Variants in OFD1 observed in about 807,000 individuals in gnomAD.
OFD1 encodes the protein OFD1 centriole and centriolar satellite protein.
In OFD1, 12 loss-of-function variants were observed where a neutral mutation model predicts 81.4. The observed-to-expected ratio is 0.15, with a 90% CI of 0.09 to 0.24. OFD1 has a LOEUF of 0.24. Among genes scored for constraint, OFD1 ranks in the 10% least tolerant of loss-of-function variants. The probability of loss-of-function intolerance (pLI) is 1.00; values close to 1 mark genes in which losing one functional copy is unlikely to be tolerated. For synonymous variants in OFD1, 256 were observed against 263.7 expected (o/e 0.97, Z 0.28); for missense variants, 685 against 733.9 (o/e 0.93, Z 0.77).
At position 13,756,780 on chromosome X, in the gene OFD1, C is replaced by A; in HGVS notation, c.1411+13C>A. The A allele has an allele frequency of 1.7e-6, 2 of 1,169,113 alleles. No homozygotes were observed. Among genetic ancestry groups the A allele is most frequent in the South Asian group, 1.8e-5 (1 of 56,018 alleles). On this transcript the variant is annotated intron_variant, in intron 13 of 22. Coordinates refer to ENST00000340096, the MANE Select transcript of OFD1 (RefSeq NM_003611.3). ...CGTCTCCTAAACCGTATGTATTTTTCTTTTCTTCTGACTTGCGTGTTTTAG... is the reference window on the plus strand; with the variant it reads ...CGTCTCCTAAACCGTATGTATTTTTATTTTCTTCTGACTTGCGTGTTTTAG...
rs139692189 is a variant in OFD1, at chrX:13,763,802, T to G, written c.2546T>G (p.Met849Arg). The G allele has an allele frequency of 1.4e-5, 17 of 1,209,693 alleles. No individual in the cohort carries two copies. The African/African-American group carries it at 2.3e-4, about 16-fold the overall frequency. ...GGCGGGCTTTCTCCTGCCGGGGATA[T>G]GTCTCATGTGGACGCTGCTGCAGCT... is the stretch of plus-strand genomic sequence containing the variant. Reference protein sequence around the residue: ...EMGGLSPAGDMSHVDAAAAAV... With the variant: ...EMGGLSPAGDRSHVDAAAAAV... Residue 849 changes from methionine to arginine, a missense_variant, in exon 19 of 23, where the codon ATG becomes AGG. This residue lies in a region of OFD1 where 259 missense variants were observed against 254.4 expected (regional missense o/e 1.02). Transcript: ENST00000340096.
downstream of OFD1, among the ~76,000 whole-genome samples, chrX:13,770,496 A>G (rs2048276263): frequency 8.9e-6 from 1 of 112,431 alleles, no homozygotes; most frequent in Non-Finnish European, 1.9e-5. Context: ...CCTAAGTAAC[A>G]TATTTAGCTT....
chrX:13,753,039 T>C, intron 10 of OFD1: 1 of 900,834 alleles, frequency 1.1e-6, no homozygotes, highest in East Asian at 7.3e-5. Flanking sequence ...TTGTGTGCTG[T>C]GTAAATTTAA....
intron 5 of OFD1, among the ~76,000 whole-genome samples, chrX:13,741,560 A>G (rs777432149): frequency 8.1e-5 from 9 of 111,599 alleles, no homozygotes; most frequent in Admixed American, 4.8e-4. Context: ...TTTCAGAGAT[A>G]ATGATATCTG....
rs141380452 is a variant in OFD1 at position 13,749,173 on chromosome X, G to T, written c.829-254G>T. 0.014 allele frequency among the ~76,000 whole-genome samples: 1,512 copies of T among 107,301 alleles called. 30 individuals carry two copies. Among genetic ancestry groups the T allele is most frequent in the African/African-American group, 0.048 (1,409 of 29,356 alleles). The allele number at this position is 107,301 out of a possible 115,157, so 93.2% of individuals were successfully genotyped here. A position where few individuals can be genotyped will look rare whatever the true frequency, so the allele number is the denominator to read the frequency against. On this transcript the variant is annotated intron_variant, in intron 8 of 22. Transcript: ENST00000340096. ...AGATAAGGGACTGAGAGATGTTAAAGAACTAAATAGCATAAATTTCACATG... is the reference window on the plus strand; with the variant it reads ...AGATAAGGGACTGAGAGATGTTAAATAACTAAATAGCATAAATTTCACATG...
At chrX:13,753,035 G>C (rs777450200) in intron 10 of OFD1, 32 of 898,474 alleles carry the variant, frequency 3.6e-5, no homozygotes, top group Non-Finnish European at 4.4e-5. Flanking sequence ...TCTGTTGTGT[G>C]CTGTGTAAAT....
the OFD1 span, among the ~76,000 whole-genome samples, chrX:13,727,333 T>C: frequency 7.1e-5 from 8 of 112,110 alleles, no homozygotes; most frequent in South Asian, 1.1e-3. Context: ...TATTCTAAAA[T>C]TGACTACATA....
chrX:13,735,001 G>A lies in OFD1; in HGVS notation c.-71G>A. The stretch of plus-strand genomic sequence containing the variant: ...GATTCCCCCTCGTCTTGGCCCCACC[G>A]CCCGGGCTGGGCACTAAACTCGGGC... On this transcript the variant is annotated 5_prime_UTR_variant, in exon 1 of 23. Coordinates refer to ENST00000340096, the MANE Select transcript of OFD1 (RefSeq NM_003611.3). 8.6e-7 allele frequency: 1 copy of A among 1,165,906 alleles called. No individual in the cohort carries two copies. The highest frequency in any genetic ancestry group is 1.1e-6 in the Non-Finnish European group (1 of 876,300).
chrX:13,722,459 T>C, the OFD1 span, among the ~76,000 whole-genome samples: 1 of 111,081 alleles, frequency 9.0e-6, no homozygotes, highest in Non-Finnish European at 1.9e-5. Flanking sequence ...ATACATTCCA[T>C]GCTTGACTTC....
At chrX:13,752,327 A>G (rs1244954539) in intron 10 of OFD1, among the ~76,000 whole-genome samples, 1 of 112,280 alleles carries the variant, frequency 8.9e-6, no homozygotes, top group Non-Finnish European at 1.9e-5. Flanking sequence ...CTGGCACATA[A>G]AAAGTGCTCA....
At chrX:13,720,222 C>G in the OFD1 span, 17 of 208,710 alleles carry the variant, frequency 8.1e-5, no homozygotes, top group East Asian at 1.5e-3. Flanking sequence ...TGGAAGACCT[C>G]TAACATGAAA....
the OFD1 span, chrX:13,716,072 G>A: frequency 8.4e-7 from 1 of 1,191,244 alleles, no homozygotes; most frequent in Non-Finnish European, 1.1e-6. Flanking sequence ...ATGTCATGAA[G>A]CATAATAAAC....
At chrX:13,738,771 C>T in intron 3 of OFD1, 75 bp from the exon 4 acceptor site, 1 of 652,853 alleles carries the variant, frequency 1.5e-6, no homozygotes, top group Middle Eastern at 5.0e-4. Flanking sequence ...ATTTCATATT[C>T]AGAAACATAT....
intron 19 of OFD1, among the ~76,000 whole-genome samples, chrX:13,766,553 T>C (rs771355080): frequency 4.9e-4 from 54 of 110,785 alleles, no homozygotes; most frequent in African/African-American, 1.8e-3. Context: ...AAAGGATCCA[T>C]ATACAAGTGA....
chrX:13,751,844 C>T (rs967597948), intron 10 of OFD1, among the ~76,000 whole-genome samples: 43 of 111,897 alleles, frequency 3.8e-4, no homozygotes, highest in African/African-American at 1.3e-3. Flanking sequence ...CAAAAATTAA[C>T]AACAATAAAA....
At chrX:13,731,157 G>A (rs185837375), upstream of OFD1, among the ~76,000 whole-genome samples, 244 of 112,385 alleles carry the variant, frequency 2.2e-3, 2 homozygotes, top group African/African-American at 7.8e-3. Context: ...AAATGTGATT[G>A]CATAACTGCT....
rs756838502 is a variant in OFD1 at position 13,768,242 on chromosome X, A to G, written c.2928+18A>G. Reference sequence around the variant, plus strand: ...CAGATAAGGTGCCAGTGCCATGGGCAGGGCAATCTGTGGGTGGGGGACATC... The same window carrying G: ...CAGATAAGGTGCCAGTGCCATGGGCGGGGCAATCTGTGGGTGGGGGACATC... On this transcript the variant is annotated intron_variant, in intron 21 of 22. Coordinates refer to ENST00000340096, the MANE Select transcript of OFD1 (RefSeq NM_003611.3). 26 of 1,157,854 alleles carry G rather than the reference A, an allele frequency of 2.2e-5. No homozygotes were observed. In the African/African-American group the frequency reaches 4.4e-4, roughly 20 times the overall value.
chrX:13,763,707 A>G (rs370492355), intron 18 of OFD1, 38 bp from the exon 19 acceptor site: 7 of 1,071,106 alleles, frequency 6.5e-6, no homozygotes, highest in Non-Finnish European at 9.1e-6. Flanking sequence ...TCTTGGTGTT[A>G]TTATTAAGGA....
downstream of OFD1, chrX:13,773,154 G>A (rs2048331948): frequency 5.7e-6 from 3 of 522,369 alleles, no homozygotes; most frequent in Admixed American, 3.7e-5. Flanking sequence ...ATAAATACTC[G>A]CTCTACTAGC....
Sources: allele counts gnomAD v4.1 joint callset (sites outside exome capture counted in the v4.1 genomes callset), GRCh38; gene constraint gnomAD v4.1.1; regional missense constraint gnomAD v4.1.1; transcripts MANE v1.5; gene names NCBI Gene and HGNC (gene_info 2026-07-23, HGNC 2026-07-21).